SGIP1: variants seen among roughly 807,000 people sequenced by gnomAD.
SGIP1 encodes SH3-containing GRB2-like protein 3-interacting protein 1.
A neutral mutation model predicts 107.5 loss-of-function variants in SGIP1; 38 were observed. The ratio of observed to expected loss-of-function variants is 0.35; its 90% CI spans 0.27 to 0.46. The LOEUF (loss-of-function observed/expected upper bound fraction) is 0.46, where lower values mean the gene tolerates loss of function less well. Ranked by LOEUF, SGIP1 falls within the 20% of genes least tolerant of loss-of-function variation. SGIP1 has a pLI of 1.00. For synonymous variants in SGIP1, 365 were observed against 366.1 expected, an observed-to-expected ratio of 1.00 and a Z score of 0.03; for missense variants, 929 against 1,019.5, an observed-to-expected ratio of 0.91 and a Z score of 1.21.
At chr1:66,681,690 A>AG (rs112204103) in intron 14 of SGIP1, among the ~76,000 whole-genome samples, 179 bp from the exon 15 acceptor site, 5,911 of 152,204 alleles carry the variant, frequency 0.039, 372 homozygotes, top group African/African-American at 0.13. Flanking sequence ...CACTTTGTGG[A>AG]GGGGGGATCT....
At chr1:66,671,361 A>G (rs1030433081) in intron 10 of SGIP1, among the ~76,000 whole-genome samples, 3 of 152,192 alleles carry the variant, frequency 2.0e-5, no homozygotes, top group Non-Finnish European at 4.4e-5. Context: ...GGCAGAAGGA[A>G]CTGAAAGTAG....
At chr1:66,676,405 G>A (rs970579835) in intron 12 of SGIP1, among the ~76,000 whole-genome samples, 1 of 152,196 alleles carries the variant, frequency 6.6e-6, no homozygotes, top group Non-Finnish European at 1.5e-5. Context: ...GTTAAATTCA[G>A]TGTCCTTAGG....
chr1:66,602,018 A>G (rs2065932802), intron 1 of SGIP1, among the ~76,000 whole-genome samples: 1 of 152,198 alleles, frequency 6.6e-6, no homozygotes, highest in Non-Finnish European at 1.5e-5. Flanking sequence ...TATCTGCCTA[A>G]TTCCTTTACA....
chr1:66,613,328 T>TTG (rs61487253), intron 1 of SGIP1, among the ~76,000 whole-genome samples: 22,363 of 152,106 alleles, frequency 0.15, 2,168 homozygotes, highest in East Asian at 0.46. Context: ...TTAAGTTTTT[T>TTG]TGTGTTTTGT....
chr1:66,728,145 A>G (rs1271399100), intron 19 of SGIP1, among the ~76,000 whole-genome samples: 4 of 152,232 alleles, frequency 2.6e-5, no homozygotes, highest in South Asian at 4.1e-4. Context: ...AATTAATGGA[A>G]TGAAGAACTA....
In SGIP1 at chr1:66,671,974, C is replaced by T; in HGVS notation, c.539C>T (p.Thr180Ile). The change falls in exon 11 of 25, where the codon ACA (threonine) becomes ATA (isoleucine). Residue 180 changes from threonine to isoleucine, a missense_variant. Physicochemically the swap from Thr to Ile is moderately conservative, Grantham distance 89 (BLOSUM62 -1). Coordinates refer to ENST00000371037, the MANE Select transcript of SGIP1 (RefSeq NM_032291.4). ...GAAGTGGCAAGACCCAGGCGTTCCA[C>T]ACCAACTCCAGAACTTATAAGGTGA... The part of the protein sequence containing the change: ...SEEVARPRRS[T>I]PTPELISKKP... 2 of 1,614,042 alleles carry T rather than the reference C, an allele frequency of 1.2e-6. No homozygotes were observed. Among genetic ancestry groups the T allele is most frequent in the Non-Finnish European group, 1.7e-6 (2 of 1,179,938 alleles).
intron 8 of SGIP1, among the ~76,000 whole-genome samples, chr1:66,664,630 C>T (rs1014879086): frequency 2.6e-5 from 4 of 152,178 alleles, no homozygotes; most frequent in African/African-American, 7.2e-5. Flanking sequence ...TGGAGGCCTA[C>T]CAGATGTAAA....
intron 1 of SGIP1, among the ~76,000 whole-genome samples, chr1:66,619,603 C>T (rs1257166466): frequency 1.3e-5 from 2 of 152,218 alleles, no homozygotes; most frequent in African/African-American, 4.8e-5. Context: ...TACATTTGGC[C>T]TCTCCATGTT....
chr1:66,628,083 T>C (rs1453830850), intron 2 of SGIP1, among the ~76,000 whole-genome samples: 2 of 152,180 alleles, frequency 1.3e-5, no homozygotes, highest in Non-Finnish European at 1.5e-5. Flanking sequence ...GAACTCATTA[T>C]TTTTTATGGC....
chr1:66,586,211 C>T (rs2062593166), intron 1 of SGIP1, among the ~76,000 whole-genome samples: 1 of 152,074 alleles, frequency 6.6e-6, no homozygotes, highest in Non-Finnish European at 1.5e-5. Context: ...GTTTTGCCTT[C>T]AATTTGCCTA....
intron 14 of SGIP1, among the ~76,000 whole-genome samples, chr1:66,681,554 C>T (rs955056954): frequency 6.6e-6 from 1 of 152,214 alleles, no homozygotes; most frequent in African/African-American, 2.4e-5. Flanking sequence ...AAAATGATCA[C>T]ACTTGGTGCA....
In SGIP1 at chr1:66,749,721, G is replaced by T. The variant is rs1368954093; in HGVS notation, c.*6626G>T. Among the ~76,000 whole-genome samples the T allele has an allele frequency of 1.3e-5, 2 of 151,734 alleles. No individual in the cohort carries two copies. Among genetic ancestry groups the T allele is most frequent in the Admixed American group, 6.6e-5 (1 of 15,226 alleles). On this transcript the variant is annotated 3_prime_UTR_variant, in exon 25 of 25. Coordinates refer to ENST00000371037, the MANE Select transcript of SGIP1 (RefSeq NM_032291.4). ...ATCATACAAATGTTAATTCCATCTC[G>T]CTCATTCAGTTTTACATTACTTTTA...
intron 1 of SGIP1, among the ~76,000 whole-genome samples, chr1:66,589,163 CATATATATAT>C (rs55788345): frequency 0.014 from 966 of 69,590 alleles, 5 homozygotes; most frequent in Admixed American, 0.025. Flanking sequence ...TAAAAGTTTA[CATATATATAT>C]ATATATATAT....
intron 1 of SGIP1, among the ~76,000 whole-genome samples, chr1:66,573,751 A>G (rs1463907412): frequency 6.6e-6 from 1 of 152,064 alleles, no homozygotes; most frequent in East Asian, 1.9e-4. Flanking sequence ...ACTGGGGCCT[A>G]TCACTGAGCA....
intron 18 of SGIP1, among the ~76,000 whole-genome samples, chr1:66,704,080 G>C (rs1406709432): frequency 6.6e-6 from 1 of 151,960 alleles, no homozygotes; most frequent in Non-Finnish European, 1.5e-5. Context: ...TTAGTATAGT[G>C]CATGCAAAGC....
intron 1 of SGIP1, among the ~76,000 whole-genome samples, chr1:66,575,073 G>A (rs2060881680): frequency 6.6e-6 from 1 of 152,120 alleles, no homozygotes; most frequent in Non-Finnish European, 1.5e-5. Context: ...AGTTTATGAA[G>A]TTGCCACTCA....
intron 12 of SGIP1, among the ~76,000 whole-genome samples, chr1:66,675,567 T>C (rs1405127196): frequency 8.1e-6 from 1 of 123,020 alleles, no homozygotes; most frequent in African/African-American, 3.2e-5. Flanking sequence ...TTTGACAGAA[T>C]CTCACTCTGT....
At position 66,579,602 on chromosome 1, in the gene SGIP1, C is replaced by T. The variant is rs533326573; in HGVS notation, c.10+45234C>T. On this transcript the variant is annotated intron_variant, in intron 1 of 24. Coordinates refer to ENST00000371037, the MANE Select transcript of SGIP1 (RefSeq NM_032291.4). The stretch of plus-strand genomic sequence containing the variant: ...GATTCAATCTTAACATGTTCTGTTT[C>T]AGTTCTAACAGACTGCTTGTAATTC... 3.3e-5 allele frequency among the ~76,000 whole-genome samples: 5 copies of T among 152,296 alleles called. No homozygotes were observed. In the East Asian group the frequency reaches 5.8e-4, roughly 18 times the overall value.
At chr1:66,572,318 C>T (rs981235843) in intron 1 of SGIP1, among the ~76,000 whole-genome samples, 1 of 152,032 alleles carries the variant, frequency 6.6e-6, no homozygotes, top group Non-Finnish European at 1.5e-5. Context: ...CTTGTAAACA[C>T]CACCAACAAA....
Sources: gnomAD v4.1 joint callset for allele counts (sites outside exome capture counted in the v4.1 genomes callset) on GRCh38, gnomAD v4.1.1 for gene constraint, MANE v1.5 for transcripts, NCBI Gene and HGNC (gene_info 2026-07-23, HGNC 2026-07-21) for gene names.